Variants in DPP10 observed in about 807,000 individuals in gnomAD.
DPP10 encodes the protein dipeptidyl peptidase like 10, also known as inactive dipeptidyl peptidase 10.
DPP10 carries 33 observed loss-of-function variants against 120.9 expected under a neutral mutation model. The observed-to-expected ratio is 0.27, with a 90% CI of 0.21 to 0.37. The LOEUF (loss-of-function observed/expected upper bound fraction) is 0.37, where lower values mean the gene tolerates loss of function less well. DPP10 is among the 10% of genes least tolerant of loss of function. DPP10 has a pLI of 1.00. For synonymous variants in DPP10, 337 were observed against 326.1 expected (o/e 1.03, Z -0.36); for missense variants, 816 against 942.8 (o/e 0.87, Z 1.76).
chr2:114,674,204 G>A (rs576749526), intron 1 of DPP10, among the ~76,000 whole-genome samples: 1 of 151,944 alleles, frequency 6.6e-6, no homozygotes, highest in Admixed American at 6.6e-5. Flanking sequence ...TATAATACAT[G>A]TTTTTGTAAT....
At chr2:115,543,836 C>A (rs2079328264) in intron 5 of DPP10, among the ~76,000 whole-genome samples, 1 of 151,924 alleles carries the variant, frequency 6.6e-6, no homozygotes, top group African/African-American at 2.4e-5. Context: ...CTGCTTATAA[C>A]AAAGAACTAT....
intron 1 of DPP10, among the ~76,000 whole-genome samples, chr2:114,962,324 G>T (rs1698703033): frequency 6.6e-6 from 1 of 152,146 alleles, no homozygotes; most frequent in Admixed American, 6.5e-5. Flanking sequence ...GACGGTAAAA[G>T]AAACTAGGAT....
chr2:115,769,058 G>C (rs1303622017), intron 13 of DPP10, among the ~76,000 whole-genome samples: 1 of 151,910 alleles, frequency 6.6e-6, no homozygotes, highest in Non-Finnish European at 1.5e-5. Flanking sequence ...AATTCAGGTA[G>C]TTAGTTTAAA....
chr2:114,907,787 G>A (rs1013302775), intron 1 of DPP10, among the ~76,000 whole-genome samples: 1 of 152,036 alleles, frequency 6.6e-6, no homozygotes, highest in African/African-American at 2.4e-5. Flanking sequence ...TCGGTGTTCA[G>A]TACGTATCTG....
intron 1 of DPP10, among the ~76,000 whole-genome samples, chr2:115,083,826 G>T (rs1708475872): frequency 6.6e-6 from 1 of 152,146 alleles, no homozygotes; most frequent in African/African-American, 2.4e-5. Context: ...CATTGCTATT[G>T]GATAGGAGAT....
chr2:114,905,596 CT>C (rs1248193491), intron 1 of DPP10, among the ~76,000 whole-genome samples: 1 of 152,078 alleles, frequency 6.6e-6, no homozygotes, highest in Non-Finnish European at 1.5e-5. Flanking sequence ...GCCTAGTACC[CT>C]TTAGTCAATT....
intron 1 of DPP10, among the ~76,000 whole-genome samples, chr2:114,724,898 G>A (rs1701945841): frequency 6.6e-6 from 1 of 152,110 alleles, no homozygotes; most frequent in Non-Finnish European, 1.5e-5. Context: ...TTTTTTGTTT[G>A]AAGCTGTAAG....
At chr2:115,494,945 A>G (rs1433012076) in intron 3 of DPP10, among the ~76,000 whole-genome samples, 1 of 152,148 alleles carries the variant, frequency 6.6e-6, no homozygotes, top group African/African-American at 2.4e-5. Flanking sequence ...TTAAATGCAT[A>G]CTTAAATTAG....
chr2:114,771,939 C>T (rs923897229), intron 1 of DPP10, among the ~76,000 whole-genome samples: 67 of 151,878 alleles, frequency 4.4e-4, no homozygotes, highest in African/African-American at 1.5e-3. Context: ...CAGTATGGTA[C>T]GGTCAGTAAG....
intron 1 of DPP10, among the ~76,000 whole-genome samples, chr2:115,290,528 CA>C (rs1302109535): frequency 6.6e-6 from 1 of 152,062 alleles, no homozygotes; most frequent in Non-Finnish European, 1.5e-5. Context: ...TGAACATTTT[CA>C]TAATGAAATG....
chr2:115,301,854 A>C (rs907608621), intron 1 of DPP10, among the ~76,000 whole-genome samples: 1 of 152,072 alleles, frequency 6.6e-6, no homozygotes. Context: ...TGTAAAACTA[A>C]CACCACACAA....
At chr2:115,336,556 G>A (rs554134029) in intron 2 of DPP10, among the ~76,000 whole-genome samples, 1 of 139,278 alleles carries the variant, frequency 7.2e-6, no homozygotes, top group South Asian at 2.3e-4. Context: ...TCATACATGT[G>A]TACTCTCTCT....
rs201304802 is a variant in DPP10, at chr2:115,301,515, G to A, written c.61-7724G>A. Among the ~76,000 whole-genome samples the A allele has an allele frequency of 2.0e-4, 29 of 147,712 alleles. No individual in the cohort carries two copies. In the East Asian group the frequency reaches 3.2e-3, roughly 16 times the overall value. ...ACTGCACTCACTGTTCCAAGGTGGC[G>A]CAAGCACAAGCAATAATGCCGTGAA... On this transcript the variant is annotated intron_variant, in intron 1 of 25. Coordinates refer to ENST00000410059, the MANE Select transcript of DPP10 (RefSeq NM_020868.6).
chr2:115,030,071 A>C (rs1573366284), intron 1 of DPP10, among the ~76,000 whole-genome samples: 2 of 152,178 alleles, frequency 1.3e-5, no homozygotes, highest in African/African-American at 4.8e-5. Flanking sequence ...GAATTTCTTC[A>C]ACTCAGAGAT....
intron 1 of DPP10, among the ~76,000 whole-genome samples, chr2:115,127,171 G>A (rs1031875637): frequency 1.3e-5 from 2 of 152,112 alleles, no homozygotes; most frequent in African/African-American, 4.8e-5. Flanking sequence ...GTTGTATTTT[G>A]TTTTATTTTG....
chr2:115,807,327 T>C (rs927475843), intron 19 of DPP10, among the ~76,000 whole-genome samples: 4 of 152,200 alleles, frequency 2.6e-5, no homozygotes, highest in African/African-American at 7.2e-5. Flanking sequence ...TTTCATGTGC[T>C]GTCCAAGATG....
intron 1 of DPP10, among the ~76,000 whole-genome samples, chr2:114,513,403 C>T (rs572782325): frequency 5.3e-5 from 8 of 151,500 alleles, no homozygotes; most frequent in Non-Finnish European, 1.5e-5. Flanking sequence ...CACCTGTAAT[C>T]CCAGCTACTC....
chr2:114,556,348 G>A (rs991551351), intron 1 of DPP10, among the ~76,000 whole-genome samples: 4 of 149,686 alleles, frequency 2.7e-5, no homozygotes, highest in Admixed American at 6.7e-5. Context: ...AGACCTGACA[G>A]CGTAACTACT....
rs942824120 is a variant in DPP10 at position 115,838,509 on chromosome 2, T to C, written c.2182+1763T>C. Among the ~76,000 whole-genome samples, 3 of 152,328 alleles carry C rather than the reference T, an allele frequency of 2.0e-5. 1 individual carries two copies. Among genetic ancestry groups the C allele is most frequent in the Admixed American group, 6.5e-5 (1 of 15,296 alleles). ...TTAGTAGGAAGGAGATTTGAATCCA[T>C]GTATTGAGCCTTTTATTCACTGTGC... On this transcript the variant is annotated intron_variant, in intron 24 of 25. Coordinates refer to ENST00000410059, the MANE Select transcript of DPP10 (RefSeq NM_020868.6).
Sources: allele counts gnomAD v4.1 joint callset (sites outside exome capture counted in the v4.1 genomes callset), GRCh38; gene constraint gnomAD v4.1.1; transcripts MANE v1.5; gene names NCBI Gene and HGNC (gene_info 2026-07-23, HGNC 2026-07-21).